The following HYOU1 variants were observed in gnomAD, a reference collection of about 807,000 sequenced individuals.
HYOU1 encodes hypoxia up-regulated 1.
A neutral mutation model predicts 120.5 loss-of-function variants in HYOU1; 40 were observed. The ratio of observed to expected loss-of-function variants is 0.33; its 90% CI spans 0.26 to 0.43. The LOEUF (loss-of-function observed/expected upper bound fraction) is 0.43. Ranked by LOEUF, HYOU1 falls within the 20% of genes least tolerant of loss-of-function variation. The probability of loss-of-function intolerance (pLI) is 1.00; values close to 1 mark genes in which losing one functional copy is unlikely to be tolerated. For synonymous variants in HYOU1, 501 were observed against 479.4 expected, an observed-to-expected ratio of 1.05 and a Z score of -0.59; for missense variants, 1,085 against 1,278.3, an observed-to-expected ratio of 0.85 and a Z score of 2.31.
At position 119,045,569 on chromosome 11, in the gene HYOU1, G is replaced by A; in HGVS notation, c.*24C>T. The A allele has an allele frequency of 6.2e-7, 1 of 1,600,926 alleles. No individual in the cohort carries two copies. The highest frequency in any genetic ancestry group is 2.2e-5 in the East Asian group (1 of 44,822). ...AGTGGTGGGGGAAGGGGGTGGAGAT[G>A]AATGGGGAAAACAGAGGTGGGGGTT... On this transcript the variant is annotated 3_prime_UTR_variant, in exon 26 of 26. Transcript: ENST00000617285.
intron 8 of HYOU1, chr11:119,053,858 C>T (rs1944597692): frequency 2.7e-6 from 1 of 366,980 alleles, no homozygotes; most frequent in African/African-American, 2.1e-5. Flanking sequence ...TTGAATCTGA[C>T]ACCCTACATA....
Position 119,049,845 on chromosome 11 carries a change from C to G in HYOU1, c.1666-8G>C, listed in dbSNP as rs1944317709. ...CTCAAATACAGACTCCACCTGAAAA[C>G]AGGTTCAAAATGAAAAAATACACAG... On this transcript the variant is annotated splice_region_variant and splice_polypyrimidine_tract_variant and intron_variant, in intron 14 of 25. Transcript: ENST00000617285. 6.2e-7 allele frequency: 1 copy of G among 1,613,780 alleles called. No individual in the cohort carries two copies. The highest frequency in any genetic ancestry group is 8.5e-7 in the Non-Finnish European group (1 of 1,179,688).
intron 1 of HYOU1, chr11:119,056,718 C>G (rs527309393): frequency 2.3e-5 from 6 of 259,398 alleles, no homozygotes; most frequent in South Asian, 3.9e-5. Context: ...ACTCCCCGGC[C>G]CCGCTGTGCC....
In HYOU1 at chr11:119,049,764, A is replaced by G; in HGVS notation, c.1726+13T>C. ...TATATTCTCTCCCATACACACATGCATGCTCATCTTACTGGTGAGAGTAGA... is the reference window on the plus strand; with the variant it reads ...TATATTCTCTCCCATACACACATGCGTGCTCATCTTACTGGTGAGAGTAGA... On this transcript the variant is annotated intron_variant, in intron 15 of 25. Transcript: ENST00000617285. 2 of 1,613,402 alleles carry G rather than the reference A, an allele frequency of 1.2e-6. No individual in the cohort carries two copies. Among genetic ancestry groups the G allele is most frequent in the East Asian group, 2.2e-5 (1 of 44,874 alleles).
chr11:119,050,095 T>C (rs189243740), intron 14 of HYOU1, among the ~76,000 whole-genome samples: 205 of 152,328 alleles, frequency 1.3e-3, no homozygotes, highest in African/African-American at 4.8e-3. Flanking sequence ...TACATCCATA[T>C]TACCCCCAGA....
Position 119,055,252 on chromosome 11 carries a change from C to A in HYOU1, c.352G>T (p.Ala118Ser). ...ADNPHVALYQ[A>S]RFPEHELTFD... ...GTCAGCTCGTGCTCCGGGAAGCGGG[C>A]CTGGTAAAGAGCTACATGGGGGTTA... The change falls in exon 5 of 26, where the codon GCC becomes TCC. Residue 118 changes from alanine to serine, a missense_variant. Coordinates refer to ENST00000617285, the MANE Select transcript of HYOU1 (RefSeq NM_006389.5). The surrounding 1 kb of genome is among the most constrained non-coding windows in gnomAD (Gnocchi z 4.0). 3 of 1,614,152 alleles carry A rather than the reference C, an allele frequency of 1.9e-6. No homozygotes were observed. Among genetic ancestry groups the A allele is most frequent in the Non-Finnish European group, 2.5e-6 (3 of 1,180,028 alleles).
chr11:119,047,061 C>CTTT, intron 22 of HYOU1: 7 of 335,198 alleles, frequency 2.1e-5, no homozygotes, highest in South Asian at 1.2e-4. Flanking sequence ...TTGAATAGTC[C>CTTT]TTTTTTTTTT....
At position 119,055,243 on chromosome 11, in the gene HYOU1, G is replaced by C; in HGVS notation, c.361C>G (p.Pro121Ala). 6.2e-7 allele frequency: 1 copy of C among 1,614,166 alleles called. No homozygotes were observed. Among genetic ancestry groups the C allele is most frequent in the Non-Finnish European group, 8.5e-7 (1 of 1,180,028 alleles). ...GGGTCGAAAGTCAGCTCGTGCTCCG[G>C]GAAGCGGGCCTGGTAAAGAGCTACA... is the stretch of plus-strand genomic sequence containing the variant. The part of the protein sequence containing the change: ...PHVALYQARF[P>A]EHELTFDPQR... The change falls in exon 5 of 26, where the codon CCG becomes GCG. Residue 121 changes from proline to alanine, a missense_variant. By Grantham distance (27) the Pro-to-Ala change is conservative. Around this residue, in one of 4 missense-constraint regions of HYOU1, gnomAD observed 515 missense variants for 677.8 expected, o/e 0.76. Coordinates refer to ENST00000617285, the MANE Select transcript of HYOU1 (RefSeq NM_006389.5). This position sits in a 1 kb window ranked among gnomAD's most constrained non-coding sequence, Gnocchi z 4.0.
intron 15 of HYOU1, 30 bp downstream of exon 15, chr11:119,049,747 C>T (rs188549146): frequency 1.7e-5 from 28 of 1,611,494 alleles, no homozygotes; most frequent in Admixed American, 1.2e-4. Flanking sequence ...AGTATATTCT[C>T]TCCCATACAC....
chr11:119,052,402 A>G lies in HYOU1; in HGVS notation c.1015T>C (p.Phe339Leu). The G allele has an allele frequency of 6.2e-7, 1 of 1,614,226 alleles. No homozygotes were observed. Among genetic ancestry groups the G allele is most frequent in the East Asian group, 2.2e-5 (1 of 44,876 alleles). The change falls in exon 10 of 26, where the codon TTC becomes CTC. Residue 339 changes from phenylalanine (F) to leucine (L), a missense_variant. Around this residue, in one of 4 missense-constraint regions of HYOU1, gnomAD observed 515 missense variants for 677.8 expected, o/e 0.76. Transcript: ENST00000617285. The surrounding 1 kb of genome is among the most constrained non-coding windows in gnomAD (Gnocchi z 5.0). ...TCCACACGAGTCACTTTTGCCTTGA[A>G]GTCCACATCATCCATCAGGCCTTCA... is the stretch of plus-strand genomic sequence containing the variant. Reference protein sequence around the residue: ...QIEGLMDDVDFKAKVTRVEFE... With the variant: ...QIEGLMDDVDLKAKVTRVEFE...
At position 119,048,143 on chromosome 11, in the gene HYOU1, C is replaced by T; in HGVS notation, c.2377-63G>A. 2.5e-6 allele frequency: 4 copies of T among 1,611,916 alleles called. No individual in the cohort carries two copies. The highest frequency in any genetic ancestry group is 2.5e-6 in the Non-Finnish European group (3 of 1,179,616). ...CGACAGCAGAGCCTGGAGTCAGCCC[C>T]ATGTCCTTCTTTATGGGCTCAAGCC... On this transcript the variant is annotated intron_variant, in intron 20 of 25. Coordinates refer to ENST00000617285, the MANE Select transcript of HYOU1 (RefSeq NM_006389.5). The surrounding 1 kb of genome is among the most constrained non-coding windows in gnomAD (Gnocchi z 4.7).
intron 22 of HYOU1, 38 bp downstream of exon 22, chr11:119,047,696 C>T (rs2133557493): frequency 6.5e-7 from 1 of 1,531,552 alleles, no homozygotes; most frequent in Non-Finnish European, 9.0e-7. Flanking sequence ...CCTAGGATGG[C>T]AGCTAAGTAT....
intron 15 of HYOU1, 49 bp from the exon 16 acceptor site, chr11:119,049,684 T>G: frequency 6.2e-7 from 1 of 1,609,810 alleles, no homozygotes; most frequent in Non-Finnish European, 8.5e-7. Context: ...CAGCAGTGAC[T>G]CCACCTTCTA....
Position 119,053,971 on chromosome 11 carries a change from T to A in HYOU1, c.794+150A>T, listed in dbSNP as rs2133601958. On this transcript the variant is annotated intron_variant, in intron 8 of 25. Transcript: ENST00000617285. ...CCTGAGCCTCAGCTTCCCCTTACTC[T>A]TTGTGAGTGGTCCCCTACAATGACT... 29 of 597,102 alleles carry A rather than the reference T, an allele frequency of 4.9e-5. No homozygotes were observed. In the East Asian group the frequency reaches 5.7e-4, roughly 12 times the overall value. The allele number at this position is 597,102 out of a possible 1,614,324, so 37.0% of individuals were successfully genotyped here.
chr11:119,052,792 G>A lies in HYOU1; in HGVS notation c.832C>T (p.Arg278Trp), dbSNP rs2133595884. 1.3e-5 allele frequency: 21 copies of A among 1,614,046 alleles called. No individual in the cohort carries two copies. Among genetic ancestry groups the A allele is most frequent in the South Asian group, 2.2e-5 (2 of 91,074 alleles). Residue 278 changes from arginine (R) to tryptophan (W), a missense_variant, in exon 9 of 26, where the codon CGG becomes TGG. Arg to Trp is a moderately radical substitution (Grantham distance 101). Transcript: ENST00000617285. The surrounding 1 kb of genome is among the most constrained non-coding windows in gnomAD (Gnocchi z 5.0). ...AGCCCAGCCAGGCGTTCTCGAAGCC[G>A]GAGCTCCATCTCCAGGCCCCCCAGG... ...RTLGGLEMEL[R>W]LRERLAGLFN...
At chr11:119,049,275 C>A (rs2133571460) in intron 16 of HYOU1, 72 bp from the exon 17 acceptor site, 3 of 1,591,480 alleles carry the variant, frequency 1.9e-6, no homozygotes. Context: ...CTCGGCACCG[C>A]CGACCCCATG....
At position 119,051,564 on chromosome 11, in the gene HYOU1, C is replaced by CGTTTAT; in HGVS notation, c.1394_1399dup (p.Lys466_Arg467insHisLys). 1 of 1,614,158 alleles carries CGTTTAT rather than the reference C, an allele frequency of 6.2e-7. No individual in the cohort carries two copies. Among genetic ancestry groups the CGTTTAT allele is most frequent in the Non-Finnish European group, 8.5e-7 (1 of 1,180,026 alleles). On this transcript the variant is annotated inframe_insertion, in exon 13 of 26. Coordinates refer to ENST00000617285, the MANE Select transcript of HYOU1 (RefSeq NM_006389.5). The surrounding 1 kb of genome is among the most constrained non-coding windows in gnomAD (Gnocchi z 4.2). Reference sequence around the variant, plus strand: ...GGGCCCCATCCGAGAGAAGAGTACCCGTTTATTGTGCTTCAGGCTGTGAAT... The same window carrying CGTTTAT: ...GGGCCCCATCCGAGAGAAGAGTACCCGTTTATGTTTATTGTGCTTCAGGCTGTGAAT...
In HYOU1 at chr11:119,051,883, G is replaced by A. The variant is rs149886341; in HGVS notation, c.1274C>T (p.Ala425Val). 3.8e-5 allele frequency: 61 copies of A among 1,614,022 alleles called. No homozygotes were observed. Among genetic ancestry groups the A allele is most frequent in the Middle Eastern group, 1.6e-4 (1 of 6,084 alleles). The change falls in exon 12 of 26, where the codon GCG (alanine) becomes GTG (valine). Residue 425 changes from alanine to valine, a missense_variant. This residue lies in a region of HYOU1 where 515 missense variants were observed against 677.8 expected (regional missense o/e 0.76). Coordinates refer to ENST00000617285, the MANE Select transcript of HYOU1 (RefSeq NM_006389.5). The surrounding 1 kb of genome is among the most constrained non-coding windows in gnomAD (Gnocchi z 4.2). ...CTTCACTTTAAAGGCTTTGCTGAGC[G>A]CAGCTGCCTGGTACACTGCCCCCAT... ...AAMGAVYQAA[A>V]LSKAFKVKPF...
Position 119,054,368 on chromosome 11 carries a change from G to A in HYOU1, c.678+126C>T, listed in dbSNP as rs2133604436. On this transcript the variant is annotated intron_variant, in intron 7 of 25. Transcript: ENST00000617285. The stretch of plus-strand genomic sequence containing the variant: ...TAAACAGCTCCAACAGGGGCTGGGA[G>A]GAGGCTATTGGTGCATTTTGCCAAG... 21 of 1,189,606 alleles carry A rather than the reference G, an allele frequency of 1.8e-5. No homozygotes were observed. The East Asian group carries it at 3.5e-4, about 20-fold the overall frequency. 73.7% of individuals were successfully genotyped at this position (1,189,606 alleles called of 1,614,324 possible). A position where few individuals can be genotyped will look rare whatever the true frequency, so the allele number is the denominator to read the frequency against.
Sources: allele counts gnomAD v4.1 joint callset (sites outside exome capture counted in the v4.1 genomes callset), GRCh38; gene constraint gnomAD v4.1.1; regional missense constraint gnomAD v4.1.1; non-coding constraint Gnocchi (gnomAD v3.1); transcripts MANE v1.5; gene names NCBI Gene and HGNC (gene_info 2026-07-23, HGNC 2026-07-21).